RBMS3: variants seen among roughly 807,000 people sequenced by gnomAD.
The protein encoded by RBMS3 is RNA binding motif single stranded interacting protein 3.
RBMS3 carries 27 observed loss-of-function variants against 66.8 expected under a neutral mutation model. The ratio of observed to expected loss-of-function variants is 0.40; its 90% confidence interval spans 0.30 to 0.56. The LOEUF (loss-of-function observed/expected upper bound fraction) is 0.56. Ranked by LOEUF, RBMS3 falls within the 20% of genes least tolerant of loss-of-function variation. The pLI is 0.40. For missense variants in RBMS3, 513 were observed against 549.5 expected (o/e 0.93, Z 0.66); for synonymous variants, 188 against 183.0 (o/e 1.03, Z -0.22).
chr3:29,962,568 A>ATATATATATATATATATATATATAT (rs199824648), intron 12 of RBMS3, among the ~76,000 whole-genome samples: 60 of 149,470 alleles, frequency 4.0e-4, no homozygotes, highest in African/African-American at 1.1e-3. Flanking sequence ...ATATATATAT[A>ATATATATATATATATATATATATAT]ATACCATACC....
At chr3:29,730,844 A>C in intron 4 of RBMS3, 1 of 975,028 alleles carries the variant, frequency 1.0e-6, no homozygotes, top group Non-Finnish European at 1.2e-6. Flanking sequence ...AAAACTATAG[A>C]GAGATCTCAA....
chr3:29,955,970 G>C (rs1364146912), intron 12 of RBMS3, among the ~76,000 whole-genome samples: 4 of 152,004 alleles, frequency 2.6e-5, no homozygotes, highest in African/African-American at 9.7e-5. Flanking sequence ...GCCTTAAATA[G>C]TTTTGGGAAG....
At chr3:29,287,013 C>T (rs1359446355) in intron 1 of RBMS3, among the ~76,000 whole-genome samples, 1 of 151,990 alleles carries the variant, frequency 6.6e-6, no homozygotes. Context: ...TGAGAATAGA[C>T]GTTTTTATGC....
chr3:29,685,247 G>C (rs1047066960), intron 4 of RBMS3, among the ~76,000 whole-genome samples: 21 of 151,996 alleles, frequency 1.4e-4, no homozygotes, highest in Admixed American at 5.2e-4. Flanking sequence ...ATTTTTAGTA[G>C]AGATGGGGTT....
intron 4 of RBMS3, among the ~76,000 whole-genome samples, chr3:29,682,501 C>G (rs372017474): frequency 6.6e-6 from 1 of 152,142 alleles, no homozygotes; most frequent in East Asian, 1.9e-4. Context: ...TGATTTTTGG[C>G]TGCTTGGGGT....
At chr3:29,368,616 A>G (rs2038031261) in intron 1 of RBMS3, among the ~76,000 whole-genome samples, 2 of 152,046 alleles carry the variant, frequency 1.3e-5, no homozygotes, top group South Asian at 4.2e-4. Context: ...GAAAAATGAG[A>G]TTTTTTTAGA....
chr3:29,439,681 A>G (rs1176067863), intron 2 of RBMS3, among the ~76,000 whole-genome samples: 2 of 151,984 alleles, frequency 1.3e-5, no homozygotes, highest in African/African-American at 4.8e-5. Flanking sequence ...ACATGCATAC[A>G]TGTGCCATGC....
chr3:29,856,132 T>G (rs2059069983), intron 6 of RBMS3, among the ~76,000 whole-genome samples: 1 of 152,256 alleles, frequency 6.6e-6, no homozygotes, highest in African/African-American at 2.4e-5. Flanking sequence ...GGACTTTTTC[T>G]ATTTTATTCA....
At chr3:29,669,767 G>C (rs1445625476) in intron 4 of RBMS3, among the ~76,000 whole-genome samples, 1 of 151,970 alleles carries the variant, frequency 6.6e-6, no homozygotes. Context: ...CATGTTCAGT[G>C]CTAGTTTTGT....
chr3:29,875,222 CTAA>C (rs200309850), intron 7 of RBMS3, among the ~76,000 whole-genome samples: 3,256 of 152,266 alleles, frequency 0.021, 58 homozygotes, highest in Admixed American at 0.031. Flanking sequence ...ATTACCCCCA[CTAA>C]TGTTTAAGCA....
rs138879910 is a variant in RBMS3, at chr3:29,544,699, A to ATGTGTGTGTGTGTGTG, written c.308-42413_308-42398dup. Reference sequence around the variant, plus strand: ...GAAAAAAGAAGGGAGTGAAATGTAAATGTGTGTGTGTGTGTGTATAGTTGA... The same window carrying ATGTGTGTGTGTGTGTG: ...GAAAAAAGAAGGGAGTGAAATGTAAATGTGTGTGTGTGTGTGTGTGTGTGTGTGTGTGTATAGTTGA... On this transcript the variant is annotated intron_variant, in intron 3 of 14. Coordinates refer to ENST00000383767, the MANE Select transcript of RBMS3 (RefSeq NM_001003793.3). Among the ~76,000 whole-genome samples the ATGTGTGTGTGTGTGTG allele has an allele frequency of 6.2e-3, 929 of 150,768 alleles. 10 individuals carry two copies. The highest frequency in any genetic ancestry group is 0.014 in the Middle Eastern group (4 of 294).
intron 2 of RBMS3, among the ~76,000 whole-genome samples, chr3:29,465,861 T>C (rs2042526278): frequency 6.6e-6 from 1 of 152,128 alleles, no homozygotes; most frequent in Non-Finnish European, 1.5e-5. Flanking sequence ...TTTCTTAAAT[T>C]CCATCCTAAA....
chr3:29,518,900 T>C (rs2044743947), intron 3 of RBMS3, among the ~76,000 whole-genome samples: 1 of 152,190 alleles, frequency 6.6e-6, no homozygotes, highest in Non-Finnish European at 1.5e-5. Flanking sequence ...GCAAAGCTGT[T>C]GGGGGCCTGG....
intron 4 of RBMS3, among the ~76,000 whole-genome samples, chr3:29,594,538 T>C (rs1559496573): frequency 1.3e-5 from 2 of 152,228 alleles, no homozygotes; most frequent in South Asian, 4.1e-4. Flanking sequence ...TGAATATTTG[T>C]ATCATTTGCT....
intron 14 of RBMS3, among the ~76,000 whole-genome samples, chr3:30,000,159 A>G (rs1408113403): frequency 6.6e-6 from 1 of 152,142 alleles, no homozygotes; most frequent in African/African-American, 2.4e-5. Flanking sequence ...ACAAAGGTCT[A>G]ATATCCAGAA....
At chr3:29,766,699 G>A (rs2055944254) in intron 6 of RBMS3, 1 of 151,868 alleles carries the variant, frequency 6.6e-6, no homozygotes. Context: ...AGATTATAAT[G>A]TTATCCCCAG....
intron 3 of RBMS3, among the ~76,000 whole-genome samples, chr3:29,585,411 T>A (rs1016290016): frequency 6.6e-6 from 1 of 152,148 alleles, no homozygotes; most frequent in African/African-American, 2.4e-5. Flanking sequence ...TATAAAGCAA[T>A]TCATGGTATG....
chr3:29,626,299 A>G (rs753688049), intron 4 of RBMS3, among the ~76,000 whole-genome samples: 22 of 152,178 alleles, frequency 1.4e-4, no homozygotes, highest in Admixed American at 5.9e-4. Context: ...TTTGTGATTC[A>G]AAGGAGAAAG....
At chr3:29,987,604 T>C (rs1698517484) in intron 12 of RBMS3, among the ~76,000 whole-genome samples, 2 of 152,202 alleles carry the variant, frequency 1.3e-5, no homozygotes, top group Admixed American at 1.3e-4. Context: ...TTTTTTTATA[T>C]TTAAAAAAGT....
Sources: gnomAD v4.1 joint callset for allele counts (sites outside exome capture counted in the v4.1 genomes callset) on GRCh38, gnomAD v4.1.1 for gene constraint, MANE v1.5 for transcripts, NCBI Gene and HGNC (gene_info 2026-07-23, HGNC 2026-07-21) for gene names.